The following GON4L variants were observed in gnomAD, a reference collection of about 807,000 sequenced individuals.
The protein encoded by GON4L is GON-4-like protein.
Under a neutral mutation model 211.8 loss-of-function variants are expected in GON4L, and 87 were observed. That is an observed-to-expected ratio of 0.41 (90% CI 0.35 to 0.49). GON4L has a LOEUF of 0.49. GON4L is among the 20% of genes least tolerant of loss of function. GON4L has a pLI of 0.15. For synonymous variants in GON4L, 875 were observed against 962.6 expected (o/e 0.91, Z 1.68); for missense variants, 2,155 against 2,659.5 (o/e 0.81, Z 4.17).
chr1:155,758,380 C>G (rs965587819), intron 24 of GON4L, among the ~76,000 whole-genome samples: 1 of 152,228 alleles, frequency 6.6e-6, no homozygotes, highest in African/African-American at 2.4e-5. Context: ...CAAGGTGGCT[C>G]ATAGCTGTAA....
At chr1:155,803,082 T>C (rs543465515) in intron 11 of GON4L, among the ~76,000 whole-genome samples, 1 of 152,296 alleles carries the variant, frequency 6.6e-6, no homozygotes, top group Admixed American at 6.5e-5. Flanking sequence ...TCTAGCACAA[T>C]GCCTTGTATA....
At chr1:155,764,424 C>CTT (rs1394769109) in intron 21 of GON4L, 1 of 127,146 alleles carries the variant, frequency 7.9e-6, no homozygotes, top group African/African-American at 3.9e-5. Context: ...CAGTTATTTA[C>CTT]TATTTTTTTT....
In GON4L at chr1:155,857,174, C is replaced by T. The variant is rs1672366546; in HGVS notation, c.-54G>A. 1 of 152,566 alleles carries T rather than the reference C, an allele frequency of 6.6e-6. No homozygotes were observed. The highest frequency in any genetic ancestry group is 1.5e-5 in the Non-Finnish European group (1 of 68,102). 9.5% of individuals were successfully genotyped at this position (152,566 alleles called of 1,614,324 possible). ...GTACCCTCACCAGCCGGCCTGATTC[C>T]ACGGAAACGGCTTTGGCACCACCGG... On this transcript the variant is annotated 5_prime_UTR_variant, in exon 1 of 32. Transcript: ENST00000368331.
chr1:155,792,388 G>A (rs2101973126), intron 12 of GON4L, among the ~76,000 whole-genome samples: 1 of 152,292 alleles, frequency 6.6e-6, no homozygotes. Context: ...AGAACTGTAT[G>A]ACTAGAAAGA....
upstream of GON4L, among the ~76,000 whole-genome samples, chr1:155,858,634 TTG>T (rs1205200706): frequency 3.0e-5 from 4 of 132,680 alleles, no homozygotes; most frequent in African/African-American, 9.1e-5. Context: ...TTTTCATTAG[TTG>T]TTTTTTTTTT....
At chr1:155,811,251 C>T (rs931329562) in intron 10 of GON4L, among the ~76,000 whole-genome samples, 5 of 149,480 alleles carry the variant, frequency 3.3e-5, no homozygotes, top group Admixed American at 6.7e-5. Flanking sequence ...AAATTAGCCG[C>T]GCATGGTGCG....
At chr1:155,754,563 T>C (rs1660968960) in intron 27 of GON4L, 75 bp from the exon 28 acceptor site, 1 of 898,628 alleles carries the variant, frequency 1.1e-6, no homozygotes, top group African/African-American at 1.8e-5. Context: ...AGAGTCTCGC[T>C]CTGTGGCCCA....
intron 12 of GON4L, among the ~76,000 whole-genome samples, chr1:155,791,990 C>T (rs1665641710): frequency 1.3e-5 from 2 of 151,926 alleles, no homozygotes; most frequent in African/African-American, 4.8e-5. Flanking sequence ...TCCTGCTTTG[C>T]ATTCAAATTT....
chr1:155,760,790 G>A, intron 23 of GON4L, 149 bp from the exon 24 acceptor site: 1 of 607,418 alleles, frequency 1.6e-6, no homozygotes, highest in East Asian at 2.7e-5. Context: ...ACATCTGACT[G>A]TTAATGGAAG....
intron 16 of GON4L, among the ~76,000 whole-genome samples, chr1:155,775,824 G>A (rs1663760849): frequency 6.6e-6 from 1 of 152,042 alleles, no homozygotes; most frequent in African/African-American, 2.4e-5. Flanking sequence ...TCACTCTGCT[G>A]CCCAGGCTTG....
At position 155,776,487 on chromosome 1, in the gene GON4L, G is replaced by T; in HGVS notation, c.2092-6C>A. ...TGGGTCAAGAGCTGAACGTGCTGGG[G>T]ATGGAAAGAAAATGATGAAGTGACA... On this transcript the variant is annotated splice_polypyrimidine_tract_variant and splice_region_variant and intron_variant, in intron 15 of 31. Coordinates refer to ENST00000368331, the MANE Select transcript of GON4L (RefSeq NM_001282860.2). 2 of 1,601,642 alleles carry T rather than the reference G, an allele frequency of 1.2e-6. No individual in the cohort carries two copies. The highest frequency in any genetic ancestry group is 1.7e-6 in the Non-Finnish European group (2 of 1,168,820).
intron 18 of GON4L, among the ~76,000 whole-genome samples, chr1:155,771,587 T>C (rs1205283366): frequency 1.3e-5 from 2 of 152,114 alleles, no homozygotes; most frequent in Non-Finnish European, 2.9e-5. Context: ...ATTCCCGTAC[T>C]TCATCCTCCC....
At chr1:155,843,829 T>C (rs1256806860) in intron 2 of GON4L, among the ~76,000 whole-genome samples, 2 of 152,128 alleles carry the variant, frequency 1.3e-5, no homozygotes, top group Non-Finnish European at 2.9e-5. Flanking sequence ...TAGACCCAGT[T>C]TGGCAATAAA....
intron 23 of GON4L, among the ~76,000 whole-genome samples, chr1:155,761,883 T>C (rs550678559): frequency 5.3e-5 from 8 of 152,320 alleles, no homozygotes; most frequent in African/African-American, 1.2e-4. Context: ...AAAGGTTCTA[T>C]AAAGGTCCTT....
chr1:155,769,495 T>C (rs1253519836), intron 19 of GON4L, among the ~76,000 whole-genome samples: 1 of 151,770 alleles, frequency 6.6e-6, no homozygotes, highest in Non-Finnish European at 1.5e-5. Context: ...AGTGGAATAG[T>C]GTCAGAGGGC....
At chr1:155,782,688 T>A (rs972817431) in intron 14 of GON4L, among the ~76,000 whole-genome samples, 2 of 151,968 alleles carry the variant, frequency 1.3e-5, no homozygotes, top group African/African-American at 2.4e-5. Flanking sequence ...ATTTTATTTT[T>A]TTGAGACAGA....
intron 23 of GON4L, 61 bp from the exon 24 acceptor site, chr1:155,760,702 G>A: frequency 1.8e-6 from 2 of 1,121,984 alleles, no homozygotes; most frequent in Non-Finnish European, 2.7e-6. Flanking sequence ...AGCAATAAGG[G>A]TACAAGGGAG....
intron 8 of GON4L, 94 bp from the exon 9 acceptor site, chr1:155,814,543 A>C: frequency 7.6e-7 from 1 of 1,315,296 alleles, no homozygotes; most frequent in Non-Finnish European, 1.1e-6. Context: ...TAAAATATCA[A>C]TCACTCAGCC....
At chr1:155,791,977 TC>T (rs1457607319) in intron 12 of GON4L, among the ~76,000 whole-genome samples, 2 of 151,790 alleles carry the variant, frequency 1.3e-5, no homozygotes, top group East Asian at 3.8e-4. Context: ...AAAGGATTGA[TC>T]TTCCTGCTTT....
Sources: gnomAD v4.1 joint callset for allele counts (sites outside exome capture counted in the v4.1 genomes callset) on GRCh38, gnomAD v4.1.1 for gene constraint, MANE v1.5 for transcripts, NCBI Gene and HGNC (gene_info 2026-07-23, HGNC 2026-07-21) for gene names.